TRPV4: variants seen among roughly 807,000 people sequenced by gnomAD.
TRPV4 encodes the protein OSM9-like transient receptor potential channel 4.
Under a neutral mutation model 84.1 loss-of-function variants are expected in TRPV4, and 58 were observed. That is an observed-to-expected ratio of 0.69 (90% CI 0.56 to 0.86). The LOEUF is 0.86. Ranked by LOEUF, TRPV4 falls within the 40% of genes least tolerant of loss-of-function variation. The pLI, the probability that TRPV4 is intolerant of heterozygous loss-of-function variation, is 0.00. For missense variants in TRPV4, 879 were observed against 1,181.1 expected (o/e 0.74, Z 3.75); for synonymous variants, 489 against 500.9 (o/e 0.98, Z 0.32).
chr12:109,792,268 ACT>A, intron 12 of TRPV4, 93 bp downstream of exon 12: 49 of 898,526 alleles, frequency 5.5e-5, no homozygotes, highest in Middle Eastern at 2.3e-4. Flanking sequence ...AAAAAAAAGA[ACT>A]CAGCAAGGCT....
At chr12:109,832,892 G>A (rs996023375) in intron 1 of TRPV4, among the ~76,000 whole-genome samples, 3 of 138,496 alleles carry the variant, frequency 2.2e-5, no homozygotes, top group African/African-American at 8.2e-5. Flanking sequence ...GGAGGAAACA[G>A]CCGTCTCTCC....
At chr12:109,824,508 C>T (rs1038930192) in intron 1 of TRPV4, among the ~76,000 whole-genome samples, 6 of 152,052 alleles carry the variant, frequency 3.9e-5, no homozygotes, top group South Asian at 2.1e-4. Flanking sequence ...GTAATCCCAG[C>T]ACTTTGGGAG....
intron 1 of TRPV4, among the ~76,000 whole-genome samples, chr12:109,819,239 G>A (rs1782129452): frequency 6.6e-6 from 1 of 152,230 alleles, no homozygotes; most frequent in Non-Finnish European, 1.5e-5. Context: ...TTTTAGGAGG[G>A]AGGGAAGTCG....
rs886048942 is a variant in TRPV4, at chr12:109,833,392, C to T, written c.-74G>A. The T allele has an allele frequency of 6.6e-6, 1 of 152,044 alleles. No homozygotes were observed. The highest frequency in any genetic ancestry group is 1.5e-5 in the Non-Finnish European group (1 of 68,020). 9.4% of individuals were successfully genotyped at this position (152,044 alleles called of 1,614,324 possible). On this transcript the variant is annotated 5_prime_UTR_variant, in exon 1 of 16. Transcript: ENST00000261740. ...GCCGGCGGCCGGGAGATCCGCGCTTCCTGAATCCCGGCCGGCCCGCCCGGC... is the reference window on the plus strand; with the variant it reads ...GCCGGCGGCCGGGAGATCCGCGCTTTCTGAATCCCGGCCGGCCCGCCCGGC...
intron 1 of TRPV4, among the ~76,000 whole-genome samples, chr12:109,826,962 G>A (rs1407454962): frequency 6.6e-6 from 1 of 152,206 alleles, no homozygotes; most frequent in Non-Finnish European, 1.5e-5. Flanking sequence ...GGTAACTGCT[G>A]AGGCCCAGAT....
At chr12:109,801,300 AC>A (rs1354189943) in intron 4 of TRPV4, among the ~76,000 whole-genome samples, 1 of 152,120 alleles carries the variant, frequency 6.6e-6, no homozygotes, top group Non-Finnish European at 1.5e-5. Context: ...CCTAAATCTC[AC>A]CTTGAATTGT....
At chr12:109,816,228 G>T (rs1891836980) in intron 1 of TRPV4, among the ~76,000 whole-genome samples, 1 of 152,346 alleles carries the variant, frequency 6.6e-6, no homozygotes, top group South Asian at 2.1e-4. Context: ...GACACAGAGG[G>T]TCAGAGCTCC....
chr12:109,790,347 G>A (rs939659059), intron 12 of TRPV4, among the ~76,000 whole-genome samples: 12 of 152,146 alleles, frequency 7.9e-5, no homozygotes, highest in East Asian at 1.9e-4. Flanking sequence ...CCCACACCTC[G>A]GGGATCAGCC....
In TRPV4 at chr12:109,786,416, C is replaced by G. The variant is rs893648401; in HGVS notation, c.2336+294G>C. ...AAGAACAGGGGAGCCTGTGGCGTCC[C>G]GATGCGCGTCGGGCACTGGCTGAGC... On this transcript the variant is annotated intron_variant, in intron 14 of 15. Transcript: ENST00000261740. The surrounding 1 kb of genome is among the most constrained non-coding windows in gnomAD (Gnocchi z 4.5). Among the ~76,000 whole-genome samples the G allele has an allele frequency of 6.6e-6, 1 of 152,204 alleles. No individual in the cohort carries two copies. The highest frequency in any genetic ancestry group is 1.5e-5 in the Non-Finnish European group (1 of 68,040).
At chr12:109,820,332 C>G (rs974477014) in intron 1 of TRPV4, among the ~76,000 whole-genome samples, 3 of 151,970 alleles carry the variant, frequency 2.0e-5, no homozygotes, top group Non-Finnish European at 2.9e-5. Flanking sequence ...TCCTTTCTGC[C>G]CTAGACAGAG....
Position 109,793,514 on chromosome 12 carries a change from G to A in TRPV4, c.1658+13C>T, listed in dbSNP as rs1565865036. 2 of 1,612,164 alleles carry A rather than the reference G, an allele frequency of 1.2e-6. No homozygotes were observed. Among genetic ancestry groups the A allele is most frequent in the Admixed American group, 3.3e-5 (2 of 60,000 alleles). On this transcript the variant is annotated intron_variant, in intron 10 of 15. Coordinates refer to ENST00000261740, the MANE Select transcript of TRPV4 (RefSeq NM_021625.5). The surrounding 1 kb of genome is among the most constrained non-coding windows in gnomAD (Gnocchi z 4.0). ...CTCACCCAGAAGCTGCCGGCCCAGG[G>A]ACCTCTACTCACTAGAGCAGCTGGA... is the stretch of plus-strand genomic sequence containing the variant.
chr12:109,793,176 T>G lies in TRPV4; in HGVS notation c.1658+351A>C, dbSNP rs1261280779. On this transcript the variant is annotated intron_variant, in intron 10 of 15. Transcript: ENST00000261740. This position sits in a 1 kb window ranked among gnomAD's most constrained non-coding sequence, Gnocchi z 4.0. Reference sequence around the variant, plus strand: ...CACACACTCAGTAACTCTCTCATTCTCTGTCCCAGGCAGACATCATTAATC... The same window carrying G: ...CACACACTCAGTAACTCTCTCATTCGCTGTCCCAGGCAGACATCATTAATC... 1.3e-5 allele frequency among the ~76,000 whole-genome samples: 2 copies of G among 152,206 alleles called. No homozygotes were observed. Among genetic ancestry groups the G allele is most frequent in the African/African-American group, 4.8e-5 (2 of 41,448 alleles).
At position 109,792,777 on chromosome 12, in the gene TRPV4, AGAGGGCTGCTGAGACGATCACCAG is replaced by A. The variant is rs1890129676; in HGVS notation, c.1675_1698del (p.Leu559_Leu566del). Reference sequence around the variant, plus strand: ...AGGTAGGCCTCGATCCCTGCCAGGTAGAGGGCTGCTGAGACGATCACCAGGACAGAGTAGATGAAGCTGCAGTGC... The same window carrying A: ...AGGTAGGCCTCGATCCCTGCCAGGTAGACAGAGTAGATGAAGCTGCAGTGC... On this transcript the variant is annotated inframe_deletion, in exon 11 of 16. Coordinates refer to ENST00000261740, the MANE Select transcript of TRPV4 (RefSeq NM_021625.5). The A allele has an allele frequency of 1.9e-6, 3 of 1,613,938 alleles. No homozygotes were observed. Among genetic ancestry groups the A allele is most frequent in the Admixed American group, 1.7e-5 (1 of 59,998 alleles).
At position 109,783,525 on chromosome 12, in the gene TRPV4, C is replaced by T. The variant is rs1433977334; in HGVS notation, c.*96G>A. 8 of 1,505,518 alleles carry T rather than the reference C, an allele frequency of 5.3e-6. No individual in the cohort carries two copies. The highest frequency in any genetic ancestry group is 2.0e-4 in the Middle Eastern group (1 of 4,904). 93.3% of individuals were successfully genotyped at this position (1,505,518 alleles called of 1,614,324 possible). ...TCCACTGGTCCCTCGCCTCTGGGGCCAAAGCAGGGTGTGGGGGGACACCCC... is the reference window on the plus strand; with the variant it reads ...TCCACTGGTCCCTCGCCTCTGGGGCTAAAGCAGGGTGTGGGGGGACACCCC... On this transcript the variant is annotated 3_prime_UTR_variant, in exon 16 of 16. Transcript: ENST00000261740. This position sits in a 1 kb window ranked among gnomAD's most constrained non-coding sequence, Gnocchi z 4.6.
chr12:109,807,978 A>G (rs1437224176), intron 3 of TRPV4, among the ~76,000 whole-genome samples: 1 of 152,218 alleles, frequency 6.6e-6, no homozygotes, highest in African/African-American at 2.4e-5. Flanking sequence ...GGAGGCTCAG[A>G]GAGGTCACAC....
intron 5 of TRPV4, among the ~76,000 whole-genome samples, chr12:109,800,417 A>G (rs1890698807): frequency 2.3e-5 from 2 of 85,358 alleles, no homozygotes; most frequent in Non-Finnish European, 4.7e-5. Context: ...GGTACTCCCC[A>G]TGGCACTTAC....
chr12:109,788,828 G>A (rs1459823904), intron 12 of TRPV4, 112 bp from the exon 13 acceptor site: 46 of 1,248,708 alleles, frequency 3.7e-5, no homozygotes, highest in Non-Finnish European at 4.9e-5. Context: ...AGCGGAGCAC[G>A]CTGGCCCACA....
At position 109,784,440 on chromosome 12, in the gene TRPV4, G is replaced by A. The variant is rs749806486; in HGVS notation, c.2337-3C>T. On this transcript the variant is annotated splice_region_variant and splice_polypyrimidine_tract_variant and intron_variant, in intron 14 of 15. Coordinates refer to ENST00000261740, the MANE Select transcript of TRPV4 (RefSeq NM_021625.5). ...GAGACCAGTTCACCTCATCCACCCT[G>A]GCAGGGCCCAAGCAGAGGGTCATGG... 6.2e-7 allele frequency: 1 copy of A among 1,614,066 alleles called. No homozygotes were observed. Among genetic ancestry groups the A allele is most frequent in the Non-Finnish European group, 8.5e-7 (1 of 1,179,996 alleles).
chr12:109,826,197 T>C (rs1892247089), intron 1 of TRPV4, among the ~76,000 whole-genome samples: 1 of 152,174 alleles, frequency 6.6e-6, no homozygotes, highest in African/African-American at 2.4e-5. Context: ...TTTTAAAATT[T>C]ATTTTTTGTA....
Sources: allele counts gnomAD v4.1 joint callset (sites outside exome capture counted in the v4.1 genomes callset), GRCh38; gene constraint gnomAD v4.1.1; non-coding constraint Gnocchi (gnomAD v3.1); transcripts MANE v1.5; gene names NCBI Gene and HGNC (gene_info 2026-07-23, HGNC 2026-07-21).